Variants in JARID2 observed in about 807,000 individuals in gnomAD.
The protein encoded by JARID2 is protein Jumonji.
JARID2 carries 21 observed loss-of-function variants against 125.6 expected under a neutral mutation model. That is an observed-to-expected ratio of 0.17 (90% CI 0.12 to 0.24). The LOEUF is 0.24. Ranked by LOEUF, JARID2 falls within the 10% of genes least tolerant of loss-of-function variation. The probability of loss-of-function intolerance (pLI) is 1.00; values close to 1 mark genes in which losing one functional copy is unlikely to be tolerated. For missense variants in JARID2, 1,303 were observed against 1,639.6 expected, an observed-to-expected ratio of 0.79 and a Z score of 3.55; for synonymous variants, 736 against 661.6, an observed-to-expected ratio of 1.11 and a Z score of -1.73.
intron 1 of JARID2, among the ~76,000 whole-genome samples, chr6:15,283,422 G>A (rs993658904): frequency 6.8e-6 from 1 of 146,548 alleles, no homozygotes; most frequent in East Asian, 2.0e-4. Flanking sequence ...CTTACTGCAA[G>A]CTCCACCTCC....
At chr6:15,497,684 G>C (rs1770527595) in intron 7 of JARID2, among the ~76,000 whole-genome samples, 1 of 151,370 alleles carries the variant, frequency 6.6e-6, no homozygotes, top group Non-Finnish European at 1.5e-5. Flanking sequence ...CTTGGATCTG[G>C]GGTGAGCCCC....
In JARID2 at chr6:15,501,257, C is replaced by T; in HGVS notation, c.2296C>T (p.Pro766Ser). Reference sequence around the variant, plus strand: ...GAATGGGCTCATCCACGGCGTGGCCCCCAGGAACGGCTTCCGCAGCAAGCT... The same window carrying T: ...GAATGGGCTCATCCACGGCGTGGCCTCCAGGAACGGCTTCCGCAGCAAGCT... ...PKNGLIHGVA[P>S]RNGFRSKLKE... is the part of the protein sequence containing the mutation. Residue 766 changes from proline to serine, a missense_variant, in exon 8 of 18, where the codon CCC becomes TCC. Around this residue, in one of 11 missense-constraint regions of JARID2, gnomAD observed 124 missense variants for 131.0 expected, o/e 0.95. Transcript: ENST00000341776. The T allele has an allele frequency of 6.2e-7, 1 of 1,613,726 alleles. No individual in the cohort carries two copies. Among genetic ancestry groups the T allele is most frequent in the Non-Finnish European group, 8.5e-7 (1 of 1,179,756 alleles).
chr6:15,466,095 C>A (rs1163868518), intron 4 of JARID2, among the ~76,000 whole-genome samples: 2 of 152,196 alleles, frequency 1.3e-5, no homozygotes, highest in East Asian at 3.8e-4. Flanking sequence ...TGAGCCACCA[C>A]GCCCAGCCTT....
intron 16 of JARID2, among the ~76,000 whole-genome samples, chr6:15,514,251 C>T (rs1219907637): frequency 1.3e-5 from 2 of 152,242 alleles, no homozygotes; most frequent in Non-Finnish European, 2.9e-5. Context: ...GGTAGGGACG[C>T]CCAGCTGGCA....
At chr6:15,417,968 G>T (rs1032876193) in intron 3 of JARID2, among the ~76,000 whole-genome samples, 6 of 152,000 alleles carry the variant, frequency 3.9e-5, no homozygotes, top group African/African-American at 1.5e-4. Context: ...CCATCTGTAG[G>T]CAGATGGAAA....
chr6:15,483,864 G>A (rs1769741184), intron 5 of JARID2, among the ~76,000 whole-genome samples: 1 of 152,164 alleles, frequency 6.6e-6, no homozygotes, highest in Non-Finnish European at 1.5e-5. Context: ...CGCCAGTAGT[G>A]TGTGAGGGTT....
chr6:15,283,394 A>G (rs1250085084), intron 1 of JARID2, among the ~76,000 whole-genome samples: 2 of 136,138 alleles, frequency 1.5e-5, no homozygotes, highest in African/African-American at 2.8e-5. Flanking sequence ...AGGCTGGAGC[A>G]CAATAGCGTG....
chr6:15,337,366 A>G lies in JARID2; in HGVS notation c.46-36751A>G, dbSNP rs141403467. Reference sequence around the variant, plus strand: ...CTAGAGGTGCCATGTATGTGTCTCTAAAGCTCGACAGACACAGGCACTCAT... The same window carrying G: ...CTAGAGGTGCCATGTATGTGTCTCTGAAGCTCGACAGACACAGGCACTCAT... On this transcript the variant is annotated intron_variant, in intron 1 of 17. Transcript: ENST00000341776. Among the ~76,000 whole-genome samples, 44 of 152,350 alleles carry G rather than the reference A, an allele frequency of 2.9e-4. No individual in the cohort carries two copies. In the East Asian group the frequency reaches 7.5e-3, roughly 26 times the overall value.
At chr6:15,516,283 CTT>C (rs1771556087) in intron 16 of JARID2, among the ~76,000 whole-genome samples, 1 of 152,254 alleles carries the variant, frequency 6.6e-6, no homozygotes, top group Admixed American at 6.5e-5. Flanking sequence ...CTCTTCTCCT[CTT>C]GAGTGTTAAG....
chr6:15,493,726 T>C (rs528318616), intron 6 of JARID2, among the ~76,000 whole-genome samples: 1 of 152,068 alleles, frequency 6.6e-6, no homozygotes, highest in Non-Finnish European at 1.5e-5. Flanking sequence ...GTTTACTGTT[T>C]GCTTTTGTTT....
intron 1 of JARID2, among the ~76,000 whole-genome samples, chr6:15,358,513 T>G (rs1468912250): frequency 6.6e-6 from 1 of 152,216 alleles, no homozygotes; most frequent in Non-Finnish European, 1.5e-5. Context: ...ATCATTGAGT[T>G]GGGGCAACCG....
chr6:15,281,924 CTGTGTGTGTGTGTGTGTGTGTGTG>C (rs3138771), intron 1 of JARID2, among the ~76,000 whole-genome samples: 4 of 146,162 alleles, frequency 2.7e-5, no homozygotes, highest in Non-Finnish European at 6.0e-5. Flanking sequence ...GGTATGTGCT[CTGTGTGTGTGTGTGTGTGTGTGTG>C]TGTGTGTGTG....
intron 3 of JARID2, among the ~76,000 whole-genome samples, chr6:15,448,062 A>G (rs954552826): frequency 1.1e-4 from 17 of 152,204 alleles, no homozygotes; most frequent in Admixed American, 2.6e-4. Context: ...TTGAAAAGCC[A>G]CACTGCAGAC....
At chr6:15,388,681 GATTATAA>G (rs1764883894) in intron 2 of JARID2, among the ~76,000 whole-genome samples, 1 of 151,400 alleles carries the variant, frequency 6.6e-6, no homozygotes, top group Admixed American at 6.6e-5. Context: ...TCCCATTCTT[GATTATAA>G]ACCGGCAAGG....
intron 9 of JARID2, chr6:15,505,352 T>G (rs1165433561): frequency 1.9e-4 from 28 of 151,344 alleles, no homozygotes; most frequent in Admixed American, 1.5e-3. Flanking sequence ...GCTGTGTTTT[T>G]TTTTTTTTTT....
At chr6:15,330,466 C>T (rs1007668919) in intron 1 of JARID2, among the ~76,000 whole-genome samples, 1 of 152,108 alleles carries the variant, frequency 6.6e-6, no homozygotes, top group African/African-American at 2.4e-5. Context: ...TGGGTTTTGC[C>T]CTCTTCTTTT....
chr6:15,401,054 C>G (rs1765412530), intron 2 of JARID2: 2 of 1,289,244 alleles, frequency 1.6e-6, no homozygotes, highest in Non-Finnish European at 2.0e-6. Flanking sequence ...CCAAATAGCT[C>G]TAGATTTGTT....
At chr6:15,400,808 C>A (rs973814257) in intron 2 of JARID2, 1 of 1,246,602 alleles carries the variant, frequency 8.0e-7, no homozygotes, top group Non-Finnish European at 1.0e-6. Context: ...TATTGCCGCG[C>A]GGAATCTGCA....
At chr6:15,276,820 G>A (rs1417969813) in intron 1 of JARID2, among the ~76,000 whole-genome samples, 1 of 152,150 alleles carries the variant, frequency 6.6e-6, no homozygotes, top group Non-Finnish European at 1.5e-5. Flanking sequence ...AATTTCCAGT[G>A]ACTGTTGAGT....
Sources: gnomAD v4.1 joint callset for allele counts (sites outside exome capture counted in the v4.1 genomes callset) on GRCh38, gnomAD v4.1.1 for gene constraint, gnomAD v4.1.1 regional missense constraint, MANE v1.5 for transcripts, NCBI Gene and HGNC (gene_info 2026-07-23, HGNC 2026-07-21) for gene names.